Variants in HEMK2 observed in about 807,000 individuals in gnomAD.
HEMK2 encodes HemK methyltransferase 2, ETF1 glutamine and histone H4 lysine.
At chr21:28,677,888 C>T in the HEMK2 span, among the ~76,000 whole-genome samples, 1 of 152,162 alleles carries the variant, frequency 6.6e-6, no homozygotes, top group African/African-American at 2.4e-5. Context: ...ACACCAAAAC[C>T]CCATCTGTAC....
chr21:28,643,150 T>C, the HEMK2 span, among the ~76,000 whole-genome samples: 6 of 152,226 alleles, frequency 3.9e-5, no homozygotes, highest in African/African-American at 1.4e-4. Context: ...ACTGCTTTGC[T>C]ACACTGAAGG....
chr21:28,822,710 A>G, the HEMK2 span, among the ~76,000 whole-genome samples: 4 of 152,112 alleles, frequency 2.6e-5, no homozygotes, highest in African/African-American at 9.7e-5. Flanking sequence ...TGAAGGTTAT[A>G]TTTAATTATC....
the HEMK2 span, among the ~76,000 whole-genome samples, chr21:28,582,474 G>A: frequency 6.6e-6 from 1 of 152,118 alleles, no homozygotes; most frequent in Non-Finnish European, 1.5e-5. Context: ...TCTGAAAATT[G>A]TGTATCATGG....
At chr21:28,729,064 G>A in the HEMK2 span, among the ~76,000 whole-genome samples, 2 of 152,232 alleles carry the variant, frequency 1.3e-5, no homozygotes, top group African/African-American at 4.8e-5. Context: ...ATGAGAAAAA[G>A]CAAAGGGCAC....
At chr21:28,863,518 G>A in the HEMK2 span, among the ~76,000 whole-genome samples, 2 of 138,062 alleles carry the variant, frequency 1.4e-5, no homozygotes, top group African/African-American at 2.7e-5. Flanking sequence ...CCAAGGTTCC[G>A]TTTTACTGTA....
chr21:28,589,983 C>G, the HEMK2 span, among the ~76,000 whole-genome samples: 1 of 152,088 alleles, frequency 6.6e-6, no homozygotes, highest in Non-Finnish European at 1.5e-5. Flanking sequence ...TATATCTTTC[C>G]CACACATTTC....
chr21:28,631,797 T>TA, the HEMK2 span, among the ~76,000 whole-genome samples: 804 of 147,858 alleles, frequency 5.4e-3, 1 homozygote, highest in South Asian at 0.012. Context: ...AAGACTTTGT[T>TA]AAAAAAAAAA....
the HEMK2 span, among the ~76,000 whole-genome samples, chr21:28,756,342 G>A: frequency 2.0e-5 from 3 of 152,020 alleles, no homozygotes; most frequent in Non-Finnish European, 4.4e-5. Context: ...TATACCATGT[G>A]CCCAGTTTTT....
At chr21:28,814,743 G>A in the HEMK2 span, among the ~76,000 whole-genome samples, 35 of 152,246 alleles carry the variant, frequency 2.3e-4, no homozygotes, top group East Asian at 6.8e-3. Context: ...AGGTGCTGGA[G>A]AGGATGTGGA....
chr21:28,819,568 CAG>C, the HEMK2 span, among the ~76,000 whole-genome samples: 2 of 110,124 alleles, frequency 1.8e-5, no homozygotes, highest in African/African-American at 7.2e-5. Flanking sequence ...TTTTTTCAGA[CAG>C]AGTCTTAATC....
the HEMK2 span, among the ~76,000 whole-genome samples, chr21:28,838,017 A>G: frequency 6.6e-6 from 1 of 152,170 alleles, no homozygotes; most frequent in African/African-American, 2.4e-5. Flanking sequence ...GAACAAAACA[A>G]TAACAAGCAG....
At chr21:28,866,167 A>AAAAAAC in the HEMK2 span, among the ~76,000 whole-genome samples, 2 of 115,440 alleles carry the variant, frequency 1.7e-5, no homozygotes, top group Non-Finnish European at 3.5e-5. Flanking sequence ...AAAACAAACA[A>AAAAAAC]AAAAAAAAAC....
At chr21:28,681,971 C>T in the HEMK2 span, among the ~76,000 whole-genome samples, 2 of 152,118 alleles carry the variant, frequency 1.3e-5, no homozygotes, top group African/African-American at 4.8e-5. Context: ...TAGGCAATAC[C>T]ATTCAGGACA....
At chr21:28,841,978 A>G in the HEMK2 span, among the ~76,000 whole-genome samples, 2 of 152,172 alleles carry the variant, frequency 1.3e-5, no homozygotes, top group East Asian at 3.9e-4. Context: ...CTTTGGATTT[A>G]GTCACATGTG....
chr21:28,582,280 C>A, the HEMK2 span, among the ~76,000 whole-genome samples: 54 of 152,312 alleles, frequency 3.5e-4, no homozygotes, highest in Middle Eastern at 3.4e-3. Flanking sequence ...CCAGCTCACA[C>A]TCATAGACAT....
chr21:28,661,602 C>T, the HEMK2 span, among the ~76,000 whole-genome samples: 1 of 151,988 alleles, frequency 6.6e-6, no homozygotes, highest in Non-Finnish European at 1.5e-5. Flanking sequence ...TGAGGAAGCT[C>T]ATGCTGAGTC....
At chr21:28,759,426 T>C in the HEMK2 span, among the ~76,000 whole-genome samples, 1,537 of 152,286 alleles carry the variant, frequency 0.01, 27 homozygotes, top group African/African-American at 0.035. Flanking sequence ...TGTAACTAAC[T>C]TGCTTTTGAT....
chr21:28,666,895 A>ATTATGG, the HEMK2 span, among the ~76,000 whole-genome samples: 2 of 152,176 alleles, frequency 1.3e-5, no homozygotes, highest in Non-Finnish European at 2.9e-5. Flanking sequence ...GGGAACAAAT[A>ATTATGG]GAAAAAACTA....
chr21:28,748,530 C>A, the HEMK2 span, among the ~76,000 whole-genome samples: 1 of 152,118 alleles, frequency 6.6e-6, no homozygotes, highest in Non-Finnish European at 1.5e-5. Context: ...TTGATTCTTT[C>A]CCTCAAGTTA....
Sources: allele counts gnomAD v4.1 joint callset (sites outside exome capture counted in the v4.1 genomes callset), GRCh38; gene constraint gnomAD v4.1.1; transcripts MANE v1.5; gene names NCBI Gene and HGNC (gene_info 2026-07-23, HGNC 2026-07-21).